ALAD: variants seen among roughly 807,000 people sequenced by gnomAD.
ALAD encodes the protein delta-aminolevulinic acid dehydratase.
Under a neutral mutation model 44.4 loss-of-function variants are expected in ALAD, and 20 were observed. The ratio of observed to expected loss-of-function variants is 0.45; its 90% CI spans 0.32 to 0.65. The LOEUF (loss-of-function observed/expected upper bound fraction) is 0.65. ALAD is among the 30% of genes least tolerant of loss of function. The pLI is 0.05. For missense variants in ALAD, 323 were observed against 445.7 expected (o/e 0.72, Z 2.48); for synonymous variants, 156 against 167.9 (o/e 0.93, Z 0.55).
At position 113,386,624 on chromosome 9, in the gene ALAD, T is replaced by A. The variant is rs1185484019; in HGVS notation, c.*1676A>T. On this transcript the variant is annotated 3_prime_UTR_variant, in exon 12 of 12. Coordinates refer to ENST00000409155, the MANE Select transcript of ALAD (RefSeq NM_000031.6). Reference sequence around the variant, plus strand: ...AATTTTGCTGTTGATTATTGGGAGGTGGTATGGCACAGTGGTTAGGGGCAG... The same window carrying A: ...AATTTTGCTGTTGATTATTGGGAGGAGGTATGGCACAGTGGTTAGGGGCAG... 1 of 151,938 alleles carries A rather than the reference T, an allele frequency of 6.6e-6. No individual in the cohort carries two copies. Among genetic ancestry groups the A allele is most frequent in the East Asian group, 1.9e-4 (1 of 5,182 alleles). 9.4% of individuals were successfully genotyped at this position (151,938 alleles called of 1,614,324 possible). A position where few individuals can be genotyped will look rare whatever the true frequency, so the allele number is the denominator to read the frequency against.
In ALAD at chr9:113,393,151, C is replaced by T. The variant is rs538195088; in HGVS notation, c.113+296G>A. 2.1e-5 allele frequency: 9 copies of T among 437,670 alleles called. No individual in the cohort carries two copies. In the East Asian group the frequency reaches 4.2e-4, roughly 20 times the overall value. 27.1% of individuals were successfully genotyped at this position (437,670 alleles called of 1,614,324 possible). On this transcript the variant is annotated intron_variant, in intron 2 of 11. Transcript: ENST00000409155. ...TGCCATCTCTTACAGGTACATAGCA[C>T]TTTACAATGTACAGAGCACCTTCTC...
chr9:113,386,381 A>T lies in ALAD; in HGVS notation c.*1919T>A, dbSNP rs1481929291. The T allele has an allele frequency of 6.6e-6, 1 of 152,174 alleles. No homozygotes were observed. The highest frequency in any genetic ancestry group is 6.5e-5 in the Admixed American group (1 of 15,282). 9.4% of individuals were successfully genotyped at this position (152,174 alleles called of 1,614,324 possible). On this transcript the variant is annotated 3_prime_UTR_variant, in exon 12 of 12. Transcript: ENST00000409155. ...TATTACAATATAGATTTTGTGTTGG[A>T]TAGTTTTGCCCACTGTAGGCTAATG...
At chr9:113,399,907 G>T (rs1313374962) in intron 1 of ALAD, among the ~76,000 whole-genome samples, 1 of 152,228 alleles carries the variant, frequency 6.6e-6, no homozygotes. Flanking sequence ...AAAGGCCCAG[G>T]AGAGCAGCTG....
chr9:113,393,421 G>C (rs1827648641), intron 2 of ALAD, 26 bp downstream of exon 2: 1 of 1,463,022 alleles, frequency 6.8e-7, no homozygotes, highest in African/African-American at 1.4e-5. Flanking sequence ...GCAGAGCAGA[G>C]GCCTGGCCCA....
At chr9:113,389,738 G>A (rs761237322) in intron 8 of ALAD, 35 bp downstream of exon 8, 1 of 1,614,200 alleles carries the variant, frequency 6.2e-7, no homozygotes, top group South Asian at 1.1e-5. Context: ...AAAGGGCCAG[G>A]GATTCACAGC....
rs774229934 is a variant in ALAD at position 113,389,586 on chromosome 9, C to T, written c.714+13G>A. ...AGGGGGCTGAGGGTGGGGCTCAAGTCCTAGTCACTCACCACAGCTCGGAGA... is the reference window on the plus strand; with the variant it reads ...AGGGGGCTGAGGGTGGGGCTCAAGTTCTAGTCACTCACCACAGCTCGGAGA... On this transcript the variant is annotated intron_variant, in intron 9 of 11. Transcript: ENST00000409155. 3 of 1,614,146 alleles carry T rather than the reference C, an allele frequency of 1.9e-6. No homozygotes were observed. Among genetic ancestry groups the T allele is most frequent in the Non-Finnish European group, 2.5e-6 (3 of 1,180,032 alleles).
In ALAD at chr9:113,401,260, CG is replaced by C. The variant is rs945249452; in HGVS notation, c.-125del. On this transcript the variant is annotated 5_prime_UTR_variant, in exon 1 of 12. Transcript: ENST00000409155. ...CGCTGCTCCTGTCACCGCTGTCTCC[CG>C]CTCCGGTCTCCCACAGACCGCGTAA... The C allele has an allele frequency of 2.6e-5, 4 of 152,684 alleles. No homozygotes were observed. The highest frequency in any genetic ancestry group is 5.8e-5 in the Non-Finnish European group (4 of 68,560). The allele number at this position is 152,684 out of a possible 1,614,324, so 9.5% of individuals were successfully genotyped here. A position where few individuals can be genotyped will look rare whatever the true frequency, so the allele number is the denominator to read the frequency against.
At position 113,390,784 on chromosome 9, in the gene ALAD, G is replaced by T; in HGVS notation, c.397+14C>A. The T allele has an allele frequency of 6.2e-7, 1 of 1,604,648 alleles. No individual in the cohort carries two copies. Among genetic ancestry groups the T allele is most frequent in the Non-Finnish European group, 8.5e-7 (1 of 1,175,824 alleles). ...GTGGGTGGCAGCAGGGCTGGTGGGAGGGAGGGAACTCACCGCAGTGACCAT... is the reference window on the plus strand; with the variant it reads ...GTGGGTGGCAGCAGGGCTGGTGGGATGGAGGGAACTCACCGCAGTGACCAT... On this transcript the variant is annotated intron_variant, in intron 5 of 11. Coordinates refer to ENST00000409155, the MANE Select transcript of ALAD (RefSeq NM_000031.6).
At position 113,388,470 on chromosome 9, in the gene ALAD, C is replaced by T. The variant is rs562015136; in HGVS notation, c.932-109G>A. On this transcript the variant is annotated intron_variant, in intron 11 of 11. Transcript: ENST00000409155. Reference sequence around the variant, plus strand: ...GGAAGAAGGCTACCATGAAGAAGCACAGCCTGTGGGCACACCACATGAGAC... The same window carrying T: ...GGAAGAAGGCTACCATGAAGAAGCATAGCCTGTGGGCACACCACATGAGAC... 8 of 1,012,836 alleles carry T rather than the reference C, an allele frequency of 7.9e-6. No individual in the cohort carries two copies. The South Asian group carries it at 9.0e-5, about 11-fold the overall frequency. 62.7% of individuals were successfully genotyped at this position (1,012,836 alleles called of 1,614,324 possible).
At chr9:113,389,328 G>T in intron 10 of ALAD, 110 bp downstream of exon 10, 1 of 1,383,188 alleles carries the variant, frequency 7.2e-7, no homozygotes, top group African/African-American at 1.4e-5. Flanking sequence ...GGGAAGGGGA[G>T]GAGAGGATGC....
chr9:113,388,460 T>C (rs1000522705), intron 11 of ALAD, 99 bp from the exon 12 acceptor site: 8 of 1,126,158 alleles, frequency 7.1e-6, no homozygotes, highest in Admixed American at 6.8e-5. Context: ...AAGGCTACCA[T>C]GAAGAAGCAC....
chr9:113,400,790 C>T (rs1435015307), intron 1 of ALAD, among the ~76,000 whole-genome samples: 2 of 152,066 alleles, frequency 1.3e-5, no homozygotes, highest in African/African-American at 4.8e-5. Flanking sequence ...CCATTGCACT[C>T]CAGCCTGGGC....
chr9:113,397,924 C>G (rs757896212), intron 1 of ALAD, among the ~76,000 whole-genome samples: 5 of 152,096 alleles, frequency 3.3e-5, no homozygotes, highest in Non-Finnish European at 5.9e-5. Context: ...CGCACCTGGC[C>G]GAGAGAATAT....
At chr9:113,390,539 CA>C in intron 6 of ALAD, 46 bp from the exon 7 acceptor site, 1 of 1,613,882 alleles carries the variant, frequency 6.2e-7, no homozygotes, top group Non-Finnish European at 8.5e-7. Context: ...CCCTCCTAGC[CA>C]CTCTGCCACC....
chr9:113,392,114 C>T lies in ALAD; in HGVS notation c.164+5G>A, dbSNP rs1459761229. 6.2e-7 allele frequency: 1 copy of T among 1,610,620 alleles called. No individual in the cohort carries two copies. The highest frequency in any genetic ancestry group is 2.2e-5 in the East Asian group (1 of 44,782). ...CCGCTGGCCCCCCAACTCCACGTCT[C>T]CTACCTGGCCACTCCTGGGAGGCTG... On this transcript the variant is annotated splice_donor_5th_base_variant and intron_variant, in intron 3 of 11. Coordinates refer to ENST00000409155, the MANE Select transcript of ALAD (RefSeq NM_000031.6).
chr9:113,388,820 T>C (rs188722626), intron 11 of ALAD, among the ~76,000 whole-genome samples, 157 bp downstream of exon 11: 2 of 152,324 alleles, frequency 1.3e-5, no homozygotes, highest in Admixed American at 1.3e-4. Context: ...TGTTCTATGC[T>C]GCAGTTCCAT....
At chr9:113,395,748 C>A (rs895901201) in intron 1 of ALAD, among the ~76,000 whole-genome samples, 1 of 152,134 alleles carries the variant, frequency 6.6e-6, no homozygotes, top group Non-Finnish European at 1.5e-5. Flanking sequence ...GTGAGGAGGT[C>A]AGAAGAGGCA....
At chr9:113,393,764 C>A in intron 1 of ALAD, 130 bp from the exon 2 acceptor site, 1 of 531,460 alleles carries the variant, frequency 1.9e-6, no homozygotes, top group Non-Finnish European at 3.4e-6. Flanking sequence ...GCATGGTTCA[C>A]CAATCCCTGC....
In ALAD at chr9:113,387,778, G is replaced by C. The variant is rs188876339; in HGVS notation, c.*522C>G. Reference sequence around the variant, plus strand: ...GTTCAGAGTAGAATAGGAGACCTCAGGCAGCCTGGCAACCTCTGGCCTCGT... The same window carrying C: ...GTTCAGAGTAGAATAGGAGACCTCACGCAGCCTGGCAACCTCTGGCCTCGT... On this transcript the variant is annotated 3_prime_UTR_variant, in exon 12 of 12. Transcript: ENST00000409155. 9.8e-6 allele frequency: 2 copies of C among 205,054 alleles called. No individual in the cohort carries two copies. Among genetic ancestry groups the C allele is most frequent in the Admixed American group, 5.2e-5 (1 of 19,236 alleles). The allele number at this position is 205,054 out of a possible 1,614,324, so 12.7% of individuals were successfully genotyped here.
Sources: gnomAD v4.1 joint callset for allele counts (sites outside exome capture counted in the v4.1 genomes callset) on GRCh38, gnomAD v4.1.1 for gene constraint, MANE v1.5 for transcripts, NCBI Gene and HGNC (gene_info 2026-07-23, HGNC 2026-07-21) for gene names.